The following SCML4 variants were observed in gnomAD, a reference collection of about 807,000 sequenced individuals.
SCML4 encodes sex comb on midleg-like protein 4.
In SCML4, 34 loss-of-function variants were observed where a neutral mutation model predicts 41.1. The observed-to-expected ratio is 0.83, with a 90% CI of 0.63 to 1.10. SCML4 has a LOEUF of 1.10. SCML4 is among the 50% of genes least tolerant of loss of function. The pLI is 0.00. For missense variants in SCML4, 522 were observed against 534.1 expected, an observed-to-expected ratio of 0.98 and a Z score of 0.22; for synonymous variants, 214 against 220.9, an observed-to-expected ratio of 0.97 and a Z score of 0.28.
At chr6:107,813,990 G>C (rs745926849) in intron 1 of SCML4, among the ~76,000 whole-genome samples, 9 of 152,200 alleles carry the variant, frequency 5.9e-5, no homozygotes, top group Non-Finnish European at 1.3e-4. Context: ...GTGGTGCCCA[G>C]GGCAGTCCCG....
At chr6:107,769,557 T>G (rs1174390054) in intron 2 of SCML4, among the ~76,000 whole-genome samples, 1 of 152,176 alleles carries the variant, frequency 6.6e-6, no homozygotes, top group East Asian at 1.9e-4. Flanking sequence ...GTCAACACAA[T>G]GAGGCGTCCT....
chr6:107,723,548 C>T (rs1486398840), intron 5 of SCML4, among the ~76,000 whole-genome samples: 1 of 151,898 alleles, frequency 6.6e-6, no homozygotes, highest in Non-Finnish European at 1.5e-5. Context: ...CAGTTGTATG[C>T]CAGTAAATTA....
chr6:107,755,303 A>C (rs1779012254), intron 2 of SCML4, among the ~76,000 whole-genome samples: 1 of 152,246 alleles, frequency 6.6e-6, no homozygotes, highest in Non-Finnish European at 1.5e-5. Flanking sequence ...TGAATGAAAG[A>C]AAAAGTCACG....
At chr6:107,715,799 C>T (rs1194356489) in intron 6 of SCML4, among the ~76,000 whole-genome samples, 1 of 152,366 alleles carries the variant, frequency 6.6e-6, no homozygotes, top group Middle Eastern at 3.4e-3. Context: ...CTTCTGCCTG[C>T]AGCCTCATGC....
At chr6:107,763,991 C>A (rs1166931033) in intron 2 of SCML4, among the ~76,000 whole-genome samples, 1 of 152,218 alleles carries the variant, frequency 6.6e-6, no homozygotes, top group East Asian at 1.9e-4. Flanking sequence ...ACACATTTCT[C>A]CTTGGAATTC....
chr6:107,711,252 T>C (rs944606018), intron 6 of SCML4, among the ~76,000 whole-genome samples: 2 of 152,208 alleles, frequency 1.3e-5, no homozygotes, highest in Non-Finnish European at 1.5e-5. Flanking sequence ...AAGCGTTTGG[T>C]GAAAAATACA....
chr6:107,798,453 T>A (rs1782869902), intron 1 of SCML4, among the ~76,000 whole-genome samples: 1 of 152,034 alleles, frequency 6.6e-6, no homozygotes, highest in Admixed American at 6.5e-5. Flanking sequence ...AGATGCCTCC[T>A]CTTTCATTCC....
upstream of SCML4, among the ~76,000 whole-genome samples, chr6:107,826,266 AAAAAGAAAAGAAG>A (rs773616998): frequency 0.022 from 3,268 of 150,586 alleles, 109 homozygotes; most frequent in African/African-American, 0.075. Context: ...AAAAAGAAAG[AAAAAGAAAAGAAG>A]AAAAGAAAAG....
intron 1 of SCML4, among the ~76,000 whole-genome samples, chr6:107,806,195 C>CA (rs72561581): frequency 7.9e-5 from 12 of 151,462 alleles, no homozygotes; most frequent in Admixed American, 2.0e-4. Flanking sequence ...TTCCCCCCCC[C>CA]CAATAAACAA....
chr6:107,727,068 G>A (rs538534937), intron 5 of SCML4, among the ~76,000 whole-genome samples: 15 of 152,306 alleles, frequency 9.8e-5, no homozygotes, highest in African/African-American at 3.6e-4. Context: ...AATATTATTT[G>A]TCCATAAAAA....
intron 5 of SCML4, among the ~76,000 whole-genome samples, chr6:107,728,046 T>C (rs1471483147): frequency 1.3e-5 from 2 of 152,242 alleles, no homozygotes; most frequent in Admixed American, 6.5e-5. Context: ...CTCATTAAAA[T>C]TGATATTATA....
intron 1 of SCML4, among the ~76,000 whole-genome samples, chr6:107,811,563 C>G (rs1007380728): frequency 6.6e-6 from 1 of 152,142 alleles, no homozygotes; most frequent in African/African-American, 2.4e-5. Context: ...CTGAGGGCTG[C>G]CCCAAATGCC....
At chr6:107,720,053 A>G (rs1385363310) in intron 6 of SCML4, 2 of 985,348 alleles carry the variant, frequency 2.0e-6, no homozygotes, top group Non-Finnish European at 2.4e-6. Flanking sequence ...CATTGGGGGA[A>G]TTTTGCCTAA....
At chr6:107,728,796 G>A (rs1776243968) in intron 5 of SCML4, among the ~76,000 whole-genome samples, 1 of 152,152 alleles carries the variant, frequency 6.6e-6, no homozygotes, top group South Asian at 2.1e-4. Flanking sequence ...AGTCTGCCCA[G>A]GTGGACAACT....
At chr6:107,787,053 C>T (rs1040327821) in intron 1 of SCML4, among the ~76,000 whole-genome samples, 5 of 152,226 alleles carry the variant, frequency 3.3e-5, no homozygotes, top group Admixed American at 6.5e-5. Context: ...TAACTCCCTA[C>T]AGCTGTCTCC....
chr6:107,817,853 G>A (rs531980943), intron 1 of SCML4, among the ~76,000 whole-genome samples: 23 of 152,088 alleles, frequency 1.5e-4, no homozygotes, highest in Admixed American at 4.6e-4. Context: ...CACATCCCTG[G>A]AGAGAGCTTA....
intron 6 of SCML4, among the ~76,000 whole-genome samples, chr6:107,716,970 G>A (rs905720420): frequency 1.3e-5 from 2 of 151,724 alleles, no homozygotes; most frequent in Non-Finnish European, 2.9e-5. Context: ...TGGTACCTGC[G>A]GTTTTATTTA....
At chr6:107,839,402 AAAGAAAGAGG>A in the SCML4 span, among the ~76,000 whole-genome samples, 8 of 145,880 alleles carry the variant, frequency 5.5e-5, no homozygotes, top group African/African-American at 2.2e-4. Flanking sequence ...AGAAAGAAAG[AAAGAAAGAGG>A]AAGAAGAGAG....
At chr6:107,843,931 AAG>A in the SCML4 span, among the ~76,000 whole-genome samples, 37,229 of 150,198 alleles carry the variant, frequency 0.25, 4,748 homozygotes, top group African/African-American at 0.31. Flanking sequence ...CACTGAGAGG[AAG>A]AGAGAGAGAG....
Sources: allele counts gnomAD v4.1 joint callset (sites outside exome capture counted in the v4.1 genomes callset), GRCh38; gene constraint gnomAD v4.1.1; transcripts MANE v1.5; gene names NCBI Gene and HGNC (gene_info 2026-07-23, HGNC 2026-07-21).